ARMC9: variants seen among roughly 807,000 people sequenced by gnomAD.
ARMC9 encodes the protein lisH domain-containing protein ARMC9.
A neutral mutation model predicts 107.0 loss-of-function variants in ARMC9; 94 were observed. The ratio of observed to expected loss-of-function variants is 0.88; its 90% CI spans 0.74 to 1.04. The LOEUF (loss-of-function observed/expected upper bound fraction) is 1.04. ARMC9 is among the 50% of genes least tolerant of loss of function. The pLI is 0.00. For synonymous variants in ARMC9, 380 were observed against 396.9 expected, an observed-to-expected ratio of 0.96 and a Z score of 0.51; for missense variants, 942 against 1,030.1, an observed-to-expected ratio of 0.91 and a Z score of 1.17.
At chr2:231,256,512 TA>T in intron 9 of ARMC9, 73 bp from the exon 10 acceptor site, 1 of 1,553,094 alleles carries the variant, frequency 6.4e-7, no homozygotes, top group Non-Finnish European at 8.9e-7. Context: ...TCCATGCTAT[TA>T]GGGTGATTTG....
Position 231,374,890 on chromosome 2 carries a change from A to T in ARMC9, c.*3355A>T, listed in dbSNP as rs2046150559. On this transcript the variant is annotated 3_prime_UTR_variant, in exon 25 of 25. Coordinates refer to ENST00000611582, the MANE Select transcript of ARMC9 (RefSeq NM_001352754.2). ...ATTTTGTATGCAAGGTGAATACCTC[A>T]CCCCTCTCTCCTGGCCTAGAATCTG... 1 of 152,062 alleles carries T rather than the reference A, an allele frequency of 6.6e-6. No homozygotes were observed. Among genetic ancestry groups the T allele is most frequent in the South Asian group, 2.1e-4 (1 of 4,814 alleles). The allele number at this position is 152,062 out of a possible 1,614,324, so 9.4% of individuals were successfully genotyped here.
At chr2:231,282,000 A>G (rs2040249797) in intron 16 of ARMC9, 59 bp from the exon 17 acceptor site, 1 of 1,510,050 alleles carries the variant, frequency 6.6e-7, no homozygotes, top group Non-Finnish European at 9.2e-7. Flanking sequence ...GGTGTTTGAT[A>G]TAGAGTTGTG....
chr2:231,345,118 T>C, intron 21 of ARMC9, 28 bp downstream of exon 21: 1 of 1,607,724 alleles, frequency 6.2e-7, no homozygotes, highest in Non-Finnish European at 8.5e-7. Context: ...GAAGCGGGAA[T>C]TGACTTTCTT....
chr2:231,290,571 G>A (rs1345688601), intron 17 of ARMC9, among the ~76,000 whole-genome samples: 1 of 152,150 alleles, frequency 6.6e-6, no homozygotes, highest in Non-Finnish European at 1.5e-5. Flanking sequence ...CAAGCTGTAT[G>A]GACTCATTCA....
intron 16 of ARMC9, among the ~76,000 whole-genome samples, chr2:231,280,043 T>G (rs974373928): frequency 3.3e-5 from 5 of 152,224 alleles, no homozygotes; most frequent in African/African-American, 1.2e-4. Context: ...AACATATTCT[T>G]CCATCTCATA....
chr2:231,245,748 T>C (rs980285044), intron 9 of ARMC9, among the ~76,000 whole-genome samples: 7 of 152,238 alleles, frequency 4.6e-5, no homozygotes, highest in Admixed American at 4.6e-4. Context: ...TTCTGTTTTC[T>C]GCTGTTTGTA....
At chr2:231,334,989 AT>A (rs1188026331) in intron 20 of ARMC9, among the ~76,000 whole-genome samples, 1 of 152,180 alleles carries the variant, frequency 6.6e-6, no homozygotes, top group Non-Finnish European at 1.5e-5. Context: ...TACTGGGTAC[AT>A]TGCAGATTTT....
intron 9 of ARMC9, among the ~76,000 whole-genome samples, chr2:231,254,415 G>A (rs572967329): frequency 1.4e-3 from 209 of 152,184 alleles, no homozygotes; most frequent in African/African-American, 4.5e-3. Context: ...TACTGATAAC[G>A]AAAAAGGAAA....
intron 21 of ARMC9, among the ~76,000 whole-genome samples, chr2:231,350,318 G>C (rs1380481578): frequency 6.6e-6 from 1 of 152,056 alleles, no homozygotes; most frequent in Non-Finnish European, 1.5e-5. Context: ...GAGCCACTGT[G>C]CCTGGCCTTA....
chr2:231,352,461 A>G (rs1331656516), intron 21 of ARMC9, among the ~76,000 whole-genome samples: 1 of 151,372 alleles, frequency 6.6e-6, no homozygotes, highest in Non-Finnish European at 1.5e-5. Context: ...CACCACGCCC[A>G]GCTAATTTTA....
chr2:231,243,784 A>G (rs1039031114), intron 9 of ARMC9, among the ~76,000 whole-genome samples: 1 of 152,238 alleles, frequency 6.6e-6, no homozygotes, highest in Non-Finnish European at 1.5e-5. Context: ...AGACATGCAT[A>G]TATAAAGTTG....
intron 5 of ARMC9, among the ~76,000 whole-genome samples, chr2:231,222,196 A>G (rs1191701285): frequency 6.6e-6 from 1 of 152,228 alleles, no homozygotes; most frequent in African/African-American, 2.4e-5. Flanking sequence ...TTTGAGATAA[A>G]TAATTTGTTT....
intron 9 of ARMC9, among the ~76,000 whole-genome samples, chr2:231,253,680 A>G (rs2037505080): frequency 6.6e-6 from 1 of 152,254 alleles, no homozygotes; most frequent in South Asian, 2.1e-4. Context: ...AAAATTCTGC[A>G]TTTCCAATGA....
chr2:231,342,939 G>A (rs763703559), intron 20 of ARMC9, among the ~76,000 whole-genome samples: 3 of 151,434 alleles, frequency 2.0e-5, no homozygotes, highest in Admixed American at 6.6e-5. Context: ...GTTTTTGTTT[G>A]AGATGCTCTT....
At chr2:231,320,578 A>G (rs2042942792) in intron 19 of ARMC9, among the ~76,000 whole-genome samples, 1 of 150,748 alleles carries the variant, frequency 6.6e-6, no homozygotes, top group Non-Finnish European at 1.5e-5. Context: ...AAAAAAAGAT[A>G]GTGTCCTTTC....
At chr2:231,270,842 T>G in intron 12 of ARMC9, 140 bp from the exon 13 acceptor site, 5 of 762,816 alleles carry the variant, frequency 6.6e-6, no homozygotes, top group Non-Finnish European at 1.1e-5. Flanking sequence ...GGATTCCAGA[T>G]GAAATGTTTG....
chr2:231,277,428 G>A lies in ARMC9; in HGVS notation c.1474+653G>A, dbSNP rs150651200. Among the ~76,000 whole-genome samples, 346 of 152,256 alleles carry A rather than the reference G, an allele frequency of 2.3e-3. 2 individuals carry two copies. The highest frequency in any genetic ancestry group is 7.9e-3 in the African/African-American group (329 of 41,542). On this transcript the variant is annotated intron_variant, in intron 15 of 24. Transcript: ENST00000611582. ...AGAAAGGCTCCCTGGGTAAACAGCT[G>A]GCTCAGGAGGACTTGTTGGAGCATC...
Position 231,288,901 on chromosome 2 carries a change from A to G in ARMC9, c.1627-2452A>G, listed in dbSNP as rs1049377368. Among the ~76,000 whole-genome samples, 4 of 152,210 alleles carry G rather than the reference A, an allele frequency of 2.6e-5. 1 individual carries two copies. The South Asian group carries it at 6.2e-4, about 24-fold the overall frequency. ...TATATATACAAACACAGGCTTCTCT[A>G]TGATTATCTTTATGGTAGTCTTTAA... On this transcript the variant is annotated intron_variant, in intron 17 of 24. Coordinates refer to ENST00000611582, the MANE Select transcript of ARMC9 (RefSeq NM_001352754.2).
chr2:231,298,990 A>G (rs1367682346), intron 19 of ARMC9, among the ~76,000 whole-genome samples: 1 of 152,036 alleles, frequency 6.6e-6, no homozygotes, highest in Non-Finnish European at 1.5e-5. Context: ...AATTATGCTC[A>G]CTCTAAATCA....
Sources: gnomAD v4.1 joint callset for allele counts (sites outside exome capture counted in the v4.1 genomes callset) on GRCh38, gnomAD v4.1.1 for gene constraint, MANE v1.5 for transcripts, NCBI Gene and HGNC (gene_info 2026-07-23, HGNC 2026-07-21) for gene names.